The following ARHGAP1 variants were observed in gnomAD, a reference collection of about 807,000 sequenced individuals.
The protein encoded by ARHGAP1 is rho GTPase-activating protein 1.
In ARHGAP1, 23 loss-of-function variants were observed where a neutral mutation model predicts 52.2. That is an observed-to-expected ratio of 0.44 (90% CI 0.32 to 0.62). The LOEUF (loss-of-function observed/expected upper bound fraction) is 0.62. Among genes scored for constraint, ARHGAP1 ranks in the 20% least tolerant of loss-of-function variants. The pLI, the probability that ARHGAP1 is intolerant of heterozygous loss-of-function variation, is 0.05. For missense variants in ARHGAP1, 480 were observed against 560.9 expected, an observed-to-expected ratio of 0.86 and a Z score of 1.46; for synonymous variants, 210 against 228.4, an observed-to-expected ratio of 0.92 and a Z score of 0.73.
At chr11:46,694,716 G>A (rs1420513665) in intron 3 of ARHGAP1, among the ~76,000 whole-genome samples, 6 of 152,216 alleles carry the variant, frequency 3.9e-5, no homozygotes, top group African/African-American at 9.6e-5. Flanking sequence ...CTTCTGCAGG[G>A]GGTGAATGAG....
At chr11:46,682,544 C>G (rs1237997097) in intron 4 of ARHGAP1, among the ~76,000 whole-genome samples, 1 of 152,154 alleles carries the variant, frequency 6.6e-6, no homozygotes, top group African/African-American at 2.4e-5. Context: ...ATTAGCCGAG[C>G]ATGGTGGTGC....
In ARHGAP1 at chr11:46,681,367, G is replaced by A. The variant is rs531629843; in HGVS notation, c.462C>T (p.Asn154=). The A allele has an allele frequency of 3.1e-6, 5 of 1,611,074 alleles. No individual in the cohort carries two copies. In the African/African-American group the frequency reaches 4.0e-5, roughly 13 times the overall value. Residue 154 remains asparagine (N), a synonymous_variant, in exon 6 of 13, where the codon AAC becomes AAT. Transcript: ENST00000311956. The surrounding 1 kb of genome is among the most constrained non-coding windows in gnomAD (Gnocchi z 5.7). ...YREFDRKYKK[N]IKALYIVHPT... is the part of the protein sequence containing the mutation. ...GATGCACGATGTACAAGGCCTTGAT[G>A]TTTTTCTTGTACCTGCAGAGACAGA...
intron 4 of ARHGAP1, among the ~76,000 whole-genome samples, chr11:46,684,509 T>C (rs1410953204): frequency 6.6e-6 from 1 of 152,118 alleles, no homozygotes; most frequent in Non-Finnish European, 1.5e-5. Context: ...AGTGGCAAGC[T>C]AACTGCAACA....
rs530122373 is a variant in ARHGAP1 at position 46,695,676 on chromosome 11, C to G, written c.213G>C (p.Gln71His). ...DDPYYDIARH[Q>H]IVEVAGDDKY... Reference sequence around the variant, plus strand: ...TGTGCTTACCTGCCACCTCCACGATCTGGTGCCGGGCGATGTCATAGTATG... The same window carrying G: ...TGTGCTTACCTGCCACCTCCACGATGTGGTGCCGGGCGATGTCATAGTATG... Residue 71 changes from glutamine to histidine, a missense_variant, in exon 3 of 13, where the codon CAG becomes CAC. By Grantham distance (24) the Gln-to-His change is conservative. Coordinates refer to ENST00000311956, the MANE Select transcript of ARHGAP1 (RefSeq NM_004308.5). 6.4e-7 allele frequency: 1 copy of G among 1,551,864 alleles called. No homozygotes were observed. The highest frequency in any genetic ancestry group is 1.4e-5 in the African/African-American group (1 of 73,180).
chr11:46,685,329 CT>C (rs56789699), intron 4 of ARHGAP1, among the ~76,000 whole-genome samples: 12,330 of 135,604 alleles, frequency 0.091, 1,525 homozygotes, highest in African/African-American at 0.3. Flanking sequence ...CATGTATATT[CT>C]TTTTTTTTTT....
At chr11:46,695,587 C>G in intron 3 of ARHGAP1, 73 bp downstream of exon 3, 1 of 1,422,280 alleles carries the variant, frequency 7.0e-7, no homozygotes, top group Non-Finnish European at 9.7e-7. Flanking sequence ...GGCCCTTCCC[C>G]TGTGGTGTGA....
chr11:46,681,109 G>C lies in ARHGAP1; in HGVS notation c.537C>G (p.Ser179Arg). The change falls in exon 7 of 13, where the codon AGC (serine) becomes AGG (arginine). Residue 179 changes from serine (S) to arginine (R), a missense_variant and splice_region_variant. By Grantham distance (110) the Ser-to-Arg change is moderately radical. Coordinates refer to ENST00000311956, the MANE Select transcript of ARHGAP1 (RefSeq NM_004308.5). The surrounding 1 kb of genome is among the most constrained non-coding windows in gnomAD (Gnocchi z 5.7). ...AGAAGATCTTCTGCCCGAACTTGAA[G>C]CTGTTGGTGGAAGAAAGGGCCTGGG... ...TLLILFKPLI[S>R]FKFGQKIFYV... The C allele has an allele frequency of 1.2e-6, 2 of 1,614,008 alleles. No homozygotes were observed. Among genetic ancestry groups the C allele is most frequent in the Non-Finnish European group, 1.7e-6 (2 of 1,179,860 alleles).
At chr11:46,682,002 G>A in intron 5 of ARHGAP1, 49 bp downstream of exon 5, 3 of 1,608,938 alleles carry the variant, frequency 1.9e-6, no homozygotes, top group South Asian at 2.2e-5. Context: ...GAAGCTGGCA[G>A]AGCCGCTGCC....
intron 3 of ARHGAP1, among the ~76,000 whole-genome samples, chr11:46,688,525 A>C (rs1388059933): frequency 6.6e-6 from 1 of 151,972 alleles, no homozygotes. Flanking sequence ...TCTTTCACCC[A>C]GTCTGGAATG....
rs543368400 is a variant in ARHGAP1 at position 46,693,094 on chromosome 11, C to T, written c.229+2566G>A. On this transcript the variant is annotated intron_variant, in intron 3 of 12. Coordinates refer to ENST00000311956, the MANE Select transcript of ARHGAP1 (RefSeq NM_004308.5). ...GTCTCGATCTCCTGACCTCATGATC[C>T]GCCCGCCTCGGCCTCCCAAAATGCT... Among the ~76,000 whole-genome samples, 6 of 152,194 alleles carry T rather than the reference C, an allele frequency of 3.9e-5. No homozygotes were observed. The South Asian group carries it at 1.0e-3, about 26-fold the overall frequency.
chr11:46,691,315 GTC>G (rs559538732), intron 3 of ARHGAP1, among the ~76,000 whole-genome samples: 5 of 152,066 alleles, frequency 3.3e-5, no homozygotes, highest in African/African-American at 9.6e-5. Flanking sequence ...CTGAGATGGA[GTC>G]TCTATCATCC....
At chr11:46,699,701 TAA>T (rs879553764) in intron 1 of ARHGAP1, among the ~76,000 whole-genome samples, 8 of 137,870 alleles carry the variant, frequency 5.8e-5, no homozygotes, top group Non-Finnish European at 6.3e-5. Flanking sequence ...AGACTCCGTC[TAA>T]AAAAAAAAAA....
chr11:46,687,288 T>TGGAA (rs1402417685), intron 4 of ARHGAP1: 1 of 152,342 alleles, frequency 6.6e-6, no homozygotes, highest in Non-Finnish European at 1.5e-5. Flanking sequence ...TAGATGACGC[T>TGGAA]GGAAGACTCA....
intron 3 of ARHGAP1, among the ~76,000 whole-genome samples, chr11:46,691,353 G>T (rs543608771): frequency 6.6e-6 from 1 of 151,774 alleles, no homozygotes; most frequent in African/African-American, 2.4e-5. Flanking sequence ...GGAGTGATCT[G>T]GGCTCACTGC....
chr11:46,689,461 T>C (rs1415579573), intron 3 of ARHGAP1, among the ~76,000 whole-genome samples: 1 of 152,180 alleles, frequency 6.6e-6, no homozygotes, highest in Non-Finnish European at 1.5e-5. Flanking sequence ...TTTTATGACA[T>C]TATGCACTAA....
intron 3 of ARHGAP1, among the ~76,000 whole-genome samples, chr11:46,692,823 G>C (rs2064623848): frequency 6.6e-6 from 1 of 151,678 alleles, no homozygotes; most frequent in South Asian, 2.1e-4. Flanking sequence ...GAGTAGCTGG[G>C]ATTACAGGCA....
At position 46,680,916 on chromosome 11, in the gene ARHGAP1, G is replaced by T; in HGVS notation, c.635+95C>A. The T allele has an allele frequency of 1.6e-6, 2 of 1,239,656 alleles. No homozygotes were observed. Among genetic ancestry groups the T allele is most frequent in the Non-Finnish European group, 2.3e-6 (2 of 861,984 alleles). 76.8% of individuals were successfully genotyped at this position (1,239,656 alleles called of 1,614,324 possible). A position where few individuals can be genotyped will look rare whatever the true frequency, so the allele number is the denominator to read the frequency against. ...AGACCTGGGAGAGGTCGGGACACGGGCTTGCTCTGCCTAAGCCCCACGCGG... is the reference window on the plus strand; with the variant it reads ...AGACCTGGGAGAGGTCGGGACACGGTCTTGCTCTGCCTAAGCCCCACGCGG... On this transcript the variant is annotated intron_variant, in intron 7 of 12. Transcript: ENST00000311956. The surrounding 1 kb of genome is among the most constrained non-coding windows in gnomAD (Gnocchi z 5.9).
Position 46,682,066 on chromosome 11 carries a change from C to T in ARHGAP1, c.434G>A (p.Arg145Gln), listed in dbSNP as rs1326804572. The T allele has an allele frequency of 1.1e-5, 17 of 1,614,026 alleles. No individual in the cohort carries two copies. Among genetic ancestry groups the T allele is most frequent in the East Asian group, 6.7e-5 (3 of 44,892 alleles). Residue 145 changes from arginine to glutamine, a missense_variant, in exon 5 of 13, where the codon CGG (arginine) becomes CAG (glutamine). Arg to Gln is a conservative substitution (Grantham distance 43, BLOSUM62 1). Transcript: ENST00000311956. The stretch of plus-strand genomic sequence containing the variant: ...CCCAACCCACTTGCGGTCAAACTCC[C>T]GGTAGGCATCACGGAGCCAGCTGAG... ...PSLSWLRDAY[R>Q]EFDRKYKKNI...
intron 3 of ARHGAP1, among the ~76,000 whole-genome samples, chr11:46,694,379 C>G (rs985837985): frequency 7.9e-5 from 12 of 152,108 alleles, no homozygotes; most frequent in African/African-American, 2.7e-4. Flanking sequence ...TGATCCACAG[C>G]CCCAGAGGTT....
Sources: gnomAD v4.1 joint callset for allele counts (sites outside exome capture counted in the v4.1 genomes callset) on GRCh38, gnomAD v4.1.1 for gene constraint, Gnocchi (gnomAD v3.1) non-coding constraint, MANE v1.5 for transcripts, NCBI Gene and HGNC (gene_info 2026-07-23, HGNC 2026-07-21) for gene names.